PRKCA: variants seen among roughly 807,000 people sequenced by gnomAD.
PRKCA encodes the protein protein kinase C alpha, also known as protein kinase C alpha type.
A neutral mutation model predicts 87.0 loss-of-function variants in PRKCA; 27 were observed. The observed-to-expected ratio is 0.31, with a 90% confidence interval of 0.23 to 0.43. PRKCA has a LOEUF of 0.43. Ranked by LOEUF, PRKCA falls within the 20% of genes least tolerant of loss-of-function variation. The pLI, the probability that PRKCA is intolerant of heterozygous loss-of-function variation, is 1.00. For missense variants in PRKCA, 518 were observed against 852.3 expected (o/e 0.61, Z 4.88); for synonymous variants, 329 against 311.1 (o/e 1.06, Z -0.61).
intron 3 of PRKCA, among the ~76,000 whole-genome samples, chr17:66,582,246 T>G (rs371075140): frequency 6.6e-6 from 1 of 152,208 alleles, no homozygotes; most frequent in East Asian, 1.9e-4. Context: ...CTACCGCAAC[T>G]CAAGGACTTC....
chr17:66,761,951 G>T (rs1974695976), intron 13 of PRKCA, among the ~76,000 whole-genome samples: 1 of 151,992 alleles, frequency 6.6e-6, no homozygotes, highest in East Asian at 1.9e-4. Context: ...GGCCAAGGAG[G>T]GTGTCCTAAT....
chr17:66,620,699 A>T (rs1479022189), intron 3 of PRKCA, among the ~76,000 whole-genome samples: 1 of 152,206 alleles, frequency 6.6e-6, no homozygotes, highest in East Asian at 1.9e-4. Flanking sequence ...GTCAAAGTGA[A>T]CACAGTGAAT....
At chr17:66,667,667 A>G (rs73328237) in intron 5 of PRKCA, among the ~76,000 whole-genome samples, 1 of 152,088 alleles carries the variant, frequency 6.6e-6, no homozygotes, top group South Asian at 2.1e-4. Flanking sequence ...TTCAAAAGCC[A>G]CCCACACAGG....
chr17:66,785,606 T>C (rs985901028), intron 14 of PRKCA, among the ~76,000 whole-genome samples: 1 of 152,128 alleles, frequency 6.6e-6, no homozygotes, highest in Non-Finnish European at 1.5e-5. Flanking sequence ...GACCGGGAAG[T>C]GATGGATCCC....
chr17:66,479,949 C>T (rs1398639099), intron 2 of PRKCA, among the ~76,000 whole-genome samples: 2 of 151,242 alleles, frequency 1.3e-5, no homozygotes, highest in Non-Finnish European at 2.9e-5. Flanking sequence ...TACAGCAAAC[C>T]CCCATGACAC....
At chr17:66,765,930 C>A (rs1363658501) in intron 13 of PRKCA, among the ~76,000 whole-genome samples, 1 of 152,198 alleles carries the variant, frequency 6.6e-6, no homozygotes, top group Non-Finnish European at 1.5e-5. Flanking sequence ...ATACCTGTAA[C>A]TGAGATCTTC....
chr17:66,492,138 GA>G (rs1165931479), intron 2 of PRKCA, among the ~76,000 whole-genome samples: 2 of 152,186 alleles, frequency 1.3e-5, no homozygotes, highest in Non-Finnish European at 2.9e-5. Flanking sequence ...TGGCTGTCTG[GA>G]AACACATGGC....
At chr17:66,753,355 G>A (rs1036883441) in intron 13 of PRKCA, among the ~76,000 whole-genome samples, 16 of 152,210 alleles carry the variant, frequency 1.1e-4, no homozygotes, top group African/African-American at 2.2e-4. Context: ...CCCTGCTGGC[G>A]TATGCACTCC....
chr17:66,777,469 TCCGG>T (rs1975083482), intron 14 of PRKCA: 1 of 947,314 alleles, frequency 1.1e-6, no homozygotes, highest in African/African-American at 2.1e-5. Context: ...GCCAAATACG[TCCGG>T]GTGTAAACAC....
At chr17:66,556,343 G>A (rs1376874799) in intron 3 of PRKCA, among the ~76,000 whole-genome samples, 1 of 65,628 alleles carries the variant, frequency 1.5e-5, no homozygotes, top group South Asian at 6.1e-4. Flanking sequence ...TTTTTTTTTG[G>A]TCAAGACAAT....
chr17:66,405,079 G>T lies in PRKCA; in HGVS notation c.206-91122G>T, dbSNP rs542855896. Among the ~76,000 whole-genome samples the T allele has an allele frequency of 1.3e-3, 195 of 152,086 alleles. 2 individuals are homozygous for T. Among genetic ancestry groups the T allele is most frequent in the African/African-American group, 4.3e-3 (177 of 41,494 alleles). ...GAGGGGTAGGCCTTTTTGATGGGATGGAAACTGCTCTTCCTGGGATTTCAG... is the reference window on the plus strand; with the variant it reads ...GAGGGGTAGGCCTTTTTGATGGGATTGAAACTGCTCTTCCTGGGATTTCAG... On this transcript the variant is annotated intron_variant, in intron 2 of 16. Coordinates refer to ENST00000413366, the MANE Select transcript of PRKCA (RefSeq NM_002737.3).
At chr17:66,327,835 C>T (rs1439291841) in intron 2 of PRKCA, among the ~76,000 whole-genome samples, 1 of 152,114 alleles carries the variant, frequency 6.6e-6, no homozygotes, top group Non-Finnish European at 1.5e-5. Context: ...AAGCATTCAT[C>T]GTCATATCTG....
chr17:66,485,427 T>C (rs538877250), intron 2 of PRKCA, among the ~76,000 whole-genome samples: 3 of 152,236 alleles, frequency 2.0e-5, no homozygotes, highest in African/African-American at 7.2e-5. Flanking sequence ...CCTAACGTGC[T>C]GAGTGCTTAT....
intron 2 of PRKCA, among the ~76,000 whole-genome samples, chr17:66,458,323 G>A (rs967905430): frequency 5.3e-5 from 8 of 152,112 alleles, no homozygotes; most frequent in African/African-American, 1.9e-4. Context: ...AAACCTTGAA[G>A]TAAGGTACAA....
In PRKCA at chr17:66,513,654, C is replaced by T. The variant is rs182444757; in HGVS notation, c.288+17371C>T. On this transcript the variant is annotated intron_variant, in intron 3 of 16. Coordinates refer to ENST00000413366, the MANE Select transcript of PRKCA (RefSeq NM_002737.3). Reference sequence around the variant, plus strand: ...CTCTGCAGTCATTAATTTTTTTCTGCTAATATTCTTGGTGAGCAGTAGGGT... The same window carrying T: ...CTCTGCAGTCATTAATTTTTTTCTGTTAATATTCTTGGTGAGCAGTAGGGT... Among the ~76,000 whole-genome samples, 87 of 152,128 alleles carry T rather than the reference C, an allele frequency of 5.7e-4. 1 individual carries two copies. In the Middle Eastern group the frequency reaches 0.014, roughly 24 times the overall value.
chr17:66,452,876 A>T (rs2143929218), intron 2 of PRKCA, among the ~76,000 whole-genome samples: 1 of 152,264 alleles, frequency 6.6e-6, no homozygotes, highest in East Asian at 1.9e-4. Context: ...AAACAAACAA[A>T]CAAAAAAACA....
chr17:66,380,883 C>T (rs936949123), intron 2 of PRKCA, among the ~76,000 whole-genome samples: 2 of 151,736 alleles, frequency 1.3e-5, no homozygotes, highest in African/African-American at 4.8e-5. Context: ...AATACAGTCT[C>T]ATATAAGATT....
intron 2 of PRKCA, among the ~76,000 whole-genome samples, chr17:66,442,093 C>T (rs548602946): frequency 9.9e-5 from 15 of 151,190 alleles, no homozygotes; most frequent in African/African-American, 3.4e-4. Context: ...GATGGAGTCT[C>T]GCTCTGTTGC....
At chr17:66,638,875 C>T (rs1971216030) in intron 3 of PRKCA, among the ~76,000 whole-genome samples, 1 of 152,020 alleles carries the variant, frequency 6.6e-6, no homozygotes, top group African/African-American at 2.4e-5. Context: ...AAGCCTTTGG[C>T]ATATATGTGG....
Sources: gnomAD v4.1 joint callset for allele counts (sites outside exome capture counted in the v4.1 genomes callset) on GRCh38, gnomAD v4.1.1 for gene constraint, MANE v1.5 for transcripts, NCBI Gene and HGNC (gene_info 2026-07-23, HGNC 2026-07-21) for gene names.